Variants in SLC24A2 observed in about 807,000 individuals in gnomAD.
The protein encoded by SLC24A2 is sodium/potassium/calcium exchanger 2.
A neutral mutation model predicts 62.0 loss-of-function variants in SLC24A2; 36 were observed. That is an observed-to-expected ratio of 0.58 (90% CI 0.44 to 0.77). The LOEUF (loss-of-function observed/expected upper bound fraction) is 0.77, where lower values mean the gene tolerates loss of function less well. Among genes scored for constraint, SLC24A2 ranks in the 30% least tolerant of loss-of-function variants. SLC24A2 has a pLI of 0.00. For synonymous variants in SLC24A2, 358 were observed against 294.0 expected, an observed-to-expected ratio of 1.22 and a Z score of -2.23; for missense variants, 846 against 817.9, an observed-to-expected ratio of 1.03 and a Z score of -0.42.
the SLC24A2 span, among the ~76,000 whole-genome samples, chr9:19,964,250 A>G: frequency 2.0e-5 from 3 of 149,844 alleles, no homozygotes; most frequent in Non-Finnish European, 4.5e-5. Context: ...GGATAGCATG[A>G]GGAGATATAC....
At chr9:20,273,102 G>A in the SLC24A2 span, among the ~76,000 whole-genome samples, 1 of 152,188 alleles carries the variant, frequency 6.6e-6, no homozygotes, top group Non-Finnish European at 1.5e-5. Flanking sequence ...ACCCAACAGA[G>A]GATGTGGACA....
rs187547797 is a variant in SLC24A2, at chr9:19,711,228, C to G, written c.930+74709G>C. Among the ~76,000 whole-genome samples the G allele has an allele frequency of 3.0e-4, 45 of 152,314 alleles. 1 individual carries two copies. The East Asian group carries it at 8.7e-3, about 29-fold the overall frequency. On this transcript the variant is annotated intron_variant, in intron 2 of 10. Transcript: ENST00000341998. ...TTCTTTCACAAACATGCAGTGGATT[C>G]TTCCAGAGGCTACATGATGTGTGAT... is the stretch of plus-strand genomic sequence containing the variant.
At chr9:20,170,669 C>A in the SLC24A2 span, among the ~76,000 whole-genome samples, 3 of 151,816 alleles carry the variant, frequency 2.0e-5, no homozygotes, top group Non-Finnish European at 4.4e-5. Context: ...AGTTTGAGAA[C>A]AAAGGACAAG....
rs1272489660 is a variant in SLC24A2, at chr9:19,719,441, G to C, written c.930+66496C>G. 2.6e-5 allele frequency among the ~76,000 whole-genome samples: 4 copies of C among 152,106 alleles called. No individual in the cohort carries two copies. In the South Asian group the frequency reaches 6.2e-4, roughly 24 times the overall value. ...AGTTCTTTACAACACTCTCAGAGAG[G>C]AGTTCTGCCTTTAACCATATTGCTT... is the stretch of plus-strand genomic sequence containing the variant. On this transcript the variant is annotated intron_variant, in intron 2 of 10. Coordinates refer to ENST00000341998, the MANE Select transcript of SLC24A2 (RefSeq NM_020344.4).
At chr9:19,733,758 T>A (rs1821410530) in intron 2 of SLC24A2, among the ~76,000 whole-genome samples, 1 of 152,224 alleles carries the variant, frequency 6.6e-6, no homozygotes, top group South Asian at 2.1e-4. Flanking sequence ...TGGTTGTCTC[T>A]GTTGGGCACC....
At chr9:19,917,416 G>T in the SLC24A2 span, among the ~76,000 whole-genome samples, 5 of 145,278 alleles carry the variant, frequency 3.4e-5, no homozygotes, top group South Asian at 2.3e-4. Context: ...TTAGCACATT[G>T]TCAAATTTTT....
the SLC24A2 span, among the ~76,000 whole-genome samples, chr9:20,274,975 C>G: frequency 1.3e-5 from 2 of 151,700 alleles, no homozygotes; most frequent in Non-Finnish European, 2.9e-5. Flanking sequence ...CCTCAATCCC[C>G]ACCTCAGTCA....
the SLC24A2 span, among the ~76,000 whole-genome samples, chr9:20,179,481 CA>C: frequency 6.6e-6 from 1 of 152,160 alleles, no homozygotes; most frequent in African/African-American, 2.4e-5. Flanking sequence ...GGTCCATGCC[CA>C]AGGGCCAGAT....
At chr9:20,139,229 T>C in the SLC24A2 span, among the ~76,000 whole-genome samples, 1 of 152,188 alleles carries the variant, frequency 6.6e-6, no homozygotes, top group African/African-American at 2.4e-5. Context: ...TATTATGTAG[T>C]GATTAAATGC....
At chr9:19,987,594 G>T in the SLC24A2 span, among the ~76,000 whole-genome samples, 24 of 152,116 alleles carry the variant, frequency 1.6e-4, no homozygotes, top group Non-Finnish European at 3.1e-4. Flanking sequence ...GGCAGCATTT[G>T]GCTCCTTGGT....
At chr9:20,242,288 A>G in the SLC24A2 span, among the ~76,000 whole-genome samples, 1 of 152,226 alleles carries the variant, frequency 6.6e-6, no homozygotes, top group Non-Finnish European at 1.5e-5. Flanking sequence ...GTCCTGAGAA[A>G]TAGGGCTAAA....
chr9:19,915,605 C>G, the SLC24A2 span, among the ~76,000 whole-genome samples: 6 of 152,106 alleles, frequency 3.9e-5, no homozygotes, highest in African/African-American at 1.4e-4. Context: ...ATTTTCTTGG[C>G]TTATTATTAT....
intron 4 of SLC24A2, among the ~76,000 whole-genome samples, chr9:19,603,175 G>T (rs963513044): frequency 1.3e-5 from 2 of 151,294 alleles, no homozygotes; most frequent in Non-Finnish European, 2.9e-5. Flanking sequence ...TTTTTGTGGG[G>T]GTAGGTGGAT....
chr9:19,837,581 G>C, the SLC24A2 span, among the ~76,000 whole-genome samples: 2 of 150,716 alleles, frequency 1.3e-5, no homozygotes, highest in African/African-American at 4.9e-5. Flanking sequence ...AATCAGGCAG[G>C]AGAAGGAAAT....
In SLC24A2 at chr9:19,550,266, G is replaced by C; in HGVS notation, c.1350C>G (p.Thr450=). 1 of 1,613,884 alleles carries C rather than the reference G, an allele frequency of 6.2e-7. No individual in the cohort carries two copies. The highest frequency in any genetic ancestry group is 8.5e-7 in the Non-Finnish European group (1 of 1,179,904). ...GAGGCTGGTCCTCCTCCTCATCAGC[G>C]GTCTGTGGTAGAAAAAGAGGTAAAA... is the stretch of plus-strand genomic sequence containing the variant. ...SHNIEGAEAQ[T]ADEEEDQPLS... Residue 450 remains threonine, a splice_region_variant and synonymous_variant, in exon 8 of 11, where the codon ACC becomes ACG. Transcript: ENST00000341998.
chr9:20,251,986 T>A, the SLC24A2 span, among the ~76,000 whole-genome samples: 1 of 152,180 alleles, frequency 6.6e-6, no homozygotes, highest in African/African-American at 2.4e-5. Context: ...TGCCACATGC[T>A]TCACTGGCCA....
chr9:19,563,816 TCCTTCCTTCCTCCCTC>T (rs1835526874), intron 7 of SLC24A2, among the ~76,000 whole-genome samples: 6 of 106,676 alleles, frequency 5.6e-5, no homozygotes, highest in Admixed American at 1.0e-4. Flanking sequence ...CTTCCTTCCT[TCCTTCCTTCCTCCCTC>T]CCTCCCTCCC....
the SLC24A2 span, among the ~76,000 whole-genome samples, chr9:20,066,033 C>A: frequency 1.3e-5 from 2 of 152,088 alleles, no homozygotes; most frequent in Non-Finnish European, 2.9e-5. Context: ...CTTTAGAAAA[C>A]CTTCAGAGGG....
At chr9:19,516,446 G>A (rs1832932941) in intron 10 of SLC24A2, 44 bp from the exon 11 acceptor site, 4 of 1,608,052 alleles carry the variant, frequency 2.5e-6, no homozygotes, top group South Asian at 2.2e-5. Flanking sequence ...GGAAGACAAG[G>A]GAGTAGTCAG....
Sources: gnomAD v4.1 joint callset for allele counts (sites outside exome capture counted in the v4.1 genomes callset) on GRCh38, gnomAD v4.1.1 for gene constraint, MANE v1.5 for transcripts, NCBI Gene and HGNC (gene_info 2026-07-23, HGNC 2026-07-21) for gene names.